The following GHR variants were observed in gnomAD, a reference collection of about 807,000 sequenced individuals.
The protein encoded by GHR is GH receptor.
A neutral mutation model predicts 67.1 loss-of-function variants in GHR; 35 were observed. The ratio of observed to expected loss-of-function variants is 0.52; its 90% CI spans 0.40 to 0.69. The LOEUF (loss-of-function observed/expected upper bound fraction) is 0.69. Ranked by LOEUF, GHR falls within the 30% of genes least tolerant of loss-of-function variation. The pLI is 0.00. For missense variants in GHR, 792 were observed against 764.6 expected, an observed-to-expected ratio of 1.04 and a Z score of -0.42; for synonymous variants, 272 against 269.1, an observed-to-expected ratio of 1.01 and a Z score of -0.10.
intron 1 of GHR, among the ~76,000 whole-genome samples, chr5:42,473,001 G>C (rs1004356907): frequency 6.6e-6 from 1 of 152,226 alleles, no homozygotes; most frequent in Non-Finnish European, 1.5e-5. Flanking sequence ...AGATTTACCA[G>C]AGAAGCAGTT....
intron 2 of GHR, among the ~76,000 whole-genome samples, chr5:42,571,349 G>C (rs1007085383): frequency 1.3e-5 from 2 of 152,218 alleles, no homozygotes; most frequent in Non-Finnish European, 2.9e-5. Flanking sequence ...CTACTATGCA[G>C]TGAGGGTCTA....
intron 2 of GHR, among the ~76,000 whole-genome samples, chr5:42,616,857 AC>A (rs777714576): frequency 1.3e-5 from 2 of 152,048 alleles, no homozygotes; most frequent in Admixed American, 1.3e-4. Flanking sequence ...TTTTTAAAAG[AC>A]AGTAATGTAC....
intron 1 of GHR, among the ~76,000 whole-genome samples, chr5:42,480,535 C>T (rs1295322847): frequency 6.6e-6 from 1 of 152,024 alleles, no homozygotes; most frequent in African/African-American, 2.4e-5. Context: ...TCTCTTAGTA[C>T]GTCACTAAGG....
intron 8 of GHR, among the ~76,000 whole-genome samples, chr5:42,716,799 T>C (rs1354595655): frequency 2.6e-5 from 4 of 152,136 alleles, no homozygotes; most frequent in African/African-American, 9.7e-5. Context: ...TTAGGTAAAA[T>C]AGCAAGTGGA....
intron 3 of GHR, among the ~76,000 whole-genome samples, chr5:42,677,035 T>A (rs1257770617): frequency 3.3e-5 from 5 of 151,876 alleles, no homozygotes; most frequent in Admixed American, 6.6e-5. Context: ...AGCAAAAATT[T>A]AGGTTGAATT....
chr5:42,573,925 T>G (rs563198729), intron 2 of GHR, among the ~76,000 whole-genome samples: 2 of 146,926 alleles, frequency 1.4e-5, no homozygotes, highest in South Asian at 4.2e-4. Flanking sequence ...TGGATAACCA[T>G]GTGCTATGTG....
intron 1 of GHR, among the ~76,000 whole-genome samples, chr5:42,450,923 G>T (rs1289384088): frequency 6.6e-6 from 1 of 152,104 alleles, no homozygotes; most frequent in Non-Finnish European, 1.5e-5. Context: ...TAATGTCCAT[G>T]TATTTCTATA....
chr5:42,577,928 T>C (rs1314593987), intron 2 of GHR, among the ~76,000 whole-genome samples: 1 of 152,212 alleles, frequency 6.6e-6, no homozygotes, highest in Non-Finnish European at 1.5e-5. Flanking sequence ...TAGTTTTATA[T>C]AGTACGTTAA....
intron 1 of GHR, among the ~76,000 whole-genome samples, chr5:42,534,127 T>G (rs1055264664): frequency 1.1e-4 from 16 of 148,580 alleles, no homozygotes; most frequent in African/African-American, 3.7e-4. Context: ...TGTATGTATA[T>G]ATATGTACAT....
chr5:42,551,938 A>C (rs916541367), intron 1 of GHR, among the ~76,000 whole-genome samples: 1 of 152,250 alleles, frequency 6.6e-6, no homozygotes, highest in African/African-American at 2.4e-5. Context: ...TGAGGGGAGC[A>C]TGAATGGTTT....
chr5:42,462,738 A>G (rs1051991715), intron 1 of GHR, among the ~76,000 whole-genome samples: 2 of 151,864 alleles, frequency 1.3e-5, no homozygotes, highest in Non-Finnish European at 2.9e-5. Flanking sequence ...GTATCTAGGG[A>G]GGTCCTCAAA....
intron 1 of GHR, among the ~76,000 whole-genome samples, chr5:42,511,910 A>G (rs1747035072): frequency 6.6e-6 from 1 of 152,218 alleles, no homozygotes; most frequent in Admixed American, 6.5e-5. Context: ...CCCCTCTATC[A>G]TCATAACCAC....
intron 4 of GHR, among the ~76,000 whole-genome samples, chr5:42,692,323 T>C (rs1757456800): frequency 6.6e-6 from 1 of 152,092 alleles, no homozygotes; most frequent in Admixed American, 6.6e-5. Flanking sequence ...TCTCTTTCTA[T>C]GGTTCTCACC....
chr5:42,438,658 G>A (rs1743438512), intron 1 of GHR, among the ~76,000 whole-genome samples: 1 of 152,148 alleles, frequency 6.6e-6, no homozygotes, highest in Non-Finnish European at 1.5e-5. Context: ...AGGACCTGAG[G>A]CCCTCAGACC....
chr5:42,643,720 C>CTT (rs59494703), intron 3 of GHR, among the ~76,000 whole-genome samples: 14 of 146,198 alleles, frequency 9.6e-5, no homozygotes, highest in African/African-American at 2.5e-4. Flanking sequence ...TACATTATGC[C>CTT]TTTTTTTTTT....
chr5:42,571,613 T>C (rs542944271), intron 2 of GHR, among the ~76,000 whole-genome samples: 62 of 152,220 alleles, frequency 4.1e-4, no homozygotes, highest in African/African-American at 1.3e-3. Context: ...GTGTGAGTGA[T>C]TAGATTTGTG....
chr5:42,454,867 A>T (rs960872389), intron 1 of GHR, among the ~76,000 whole-genome samples: 8 of 152,082 alleles, frequency 5.3e-5, no homozygotes, highest in African/African-American at 1.7e-4. Context: ...TATCTGCTGC[A>T]GTTCCCATTC....
At chr5:42,563,460 C>CA (rs11353166) in intron 1 of GHR, among the ~76,000 whole-genome samples, 10 of 150,978 alleles carry the variant, frequency 6.6e-5, no homozygotes, top group East Asian at 5.9e-4. Flanking sequence ...ACTAAAAATA[C>CA]AAAAAAAATT....
At chr5:42,510,351 A>G (rs1746958869) in intron 1 of GHR, among the ~76,000 whole-genome samples, 1 of 152,104 alleles carries the variant, frequency 6.6e-6, no homozygotes, top group African/African-American at 2.4e-5. Context: ...ACAGTATATC[A>G]TCTCATGCAT....
Sources: gnomAD v4.1 joint callset for allele counts (sites outside exome capture counted in the v4.1 genomes callset) on GRCh38, gnomAD v4.1.1 for gene constraint, MANE v1.5 for transcripts, NCBI Gene and HGNC (gene_info 2026-07-23, HGNC 2026-07-21) for gene names.